Variants in CPO observed in about 807,000 individuals in gnomAD.
CPO encodes the protein metallocarboxypeptidase C.
In CPO, 43 loss-of-function variants were observed where a neutral mutation model predicts 41.2. The observed-to-expected ratio is 1.04, with a 90% CI of 0.82 to 1.35. The LOEUF is 1.35. Ranked by LOEUF, CPO falls within the 40% of genes most tolerant of loss-of-function variation. CPO has a pLI of 0.00. For synonymous variants in CPO, 178 were observed against 162.7 expected, an observed-to-expected ratio of 1.09 and a Z score of -0.72; for missense variants, 408 against 451.7, an observed-to-expected ratio of 0.90 and a Z score of 0.88.
chr2:206,947,286 A>G (rs996107183), intron 1 of CPO, among the ~76,000 whole-genome samples: 8 of 152,174 alleles, frequency 5.3e-5, no homozygotes, highest in African/African-American at 1.9e-4. Flanking sequence ...TAGTCAAAAG[A>G]TCTTTGACAA....
chr2:206,955,435 T>C (rs768285819), intron 2 of CPO, 28 bp from the exon 3 acceptor site: 3 of 1,307,104 alleles, frequency 2.3e-6, no homozygotes, highest in Middle Eastern at 1.8e-4. Flanking sequence ...TTCCTACTGA[T>C]AGCCACAGTC....
At chr2:206,954,983 T>A (rs558305296) in intron 2 of CPO, among the ~76,000 whole-genome samples, 1 of 152,248 alleles carries the variant, frequency 6.6e-6, no homozygotes, top group Non-Finnish European at 1.5e-5. Flanking sequence ...TCCCATGACA[T>A]GTGGGGATTA....
chr2:206,960,222 C>G (rs923299607), intron 5 of CPO, among the ~76,000 whole-genome samples: 1 of 152,178 alleles, frequency 6.6e-6, no homozygotes, highest in South Asian at 2.1e-4. Flanking sequence ...TTAAAATGTT[C>G]CTAAAGCCTA....
In CPO at chr2:206,952,837, A is replaced by G. The variant is rs533554583; in HGVS notation, c.166-2626A>G. Among the ~76,000 whole-genome samples the G allele has an allele frequency of 3.3e-5, 5 of 152,310 alleles. No homozygotes were observed. The South Asian group carries it at 1.0e-3, about 32-fold the overall frequency. ...TAAAGGAAAGAGGTTTAATGGACTC[A>G]TAGTTCCACATGGCTGGGGAGGCCT... On this transcript the variant is annotated intron_variant, in intron 2 of 8. Transcript: ENST00000272852.
intron 7 of CPO, among the ~76,000 whole-genome samples, chr2:206,964,918 G>A (rs1263211794): frequency 6.6e-6 from 1 of 152,134 alleles, no homozygotes; most frequent in Non-Finnish European, 1.5e-5. Context: ...ATTGGTTCAG[G>A]AAAACAGATG....
At chr2:206,946,749 A>G (rs1209233001) in intron 1 of CPO, among the ~76,000 whole-genome samples, 1 of 152,178 alleles carries the variant, frequency 6.6e-6, no homozygotes. Flanking sequence ...GGAATAAGCA[A>G]TTATAGCAAA....
Position 206,943,456 on chromosome 2 carries a change from A to G in CPO, c.68+3789A>G, listed in dbSNP as rs183362934. 2.4e-3 allele frequency among the ~76,000 whole-genome samples: 372 copies of G among 152,152 alleles called. 3 individuals are homozygous for G. The highest frequency in any genetic ancestry group is 8.9e-3 in the African/African-American group (368 of 41,524). The stretch of plus-strand genomic sequence containing the variant: ...AAAATGATTTTTCAGTGACTTTATA[A>G]TACTTATTTTTATTCTCTTTATAGT... On this transcript the variant is annotated intron_variant, in intron 1 of 8. Coordinates refer to ENST00000272852, the MANE Select transcript of CPO (RefSeq NM_173077.3).
intron 1 of CPO, among the ~76,000 whole-genome samples, chr2:206,947,573 C>T (rs1171771248): frequency 1.3e-5 from 2 of 152,092 alleles, no homozygotes; most frequent in African/African-American, 4.8e-5. Context: ...AAATTGGAAA[C>T]TTCTACTTTG....
At chr2:206,949,341 A>G (rs1023019776) in intron 1 of CPO, among the ~76,000 whole-genome samples, 4 of 152,206 alleles carry the variant, frequency 2.6e-5, no homozygotes, top group Admixed American at 1.3e-4. Flanking sequence ...ATTTTAAAGT[A>G]TTTTTATCTA....
intron 8 of CPO, 121 bp downstream of exon 8, chr2:206,968,468 C>T: frequency 1.5e-6 from 1 of 666,430 alleles, no homozygotes; most frequent in South Asian, 1.7e-5. Flanking sequence ...GGGAGTTGTA[C>T]AAATCAAAAT....
chr2:206,948,813 C>G (rs560025277), intron 1 of CPO, among the ~76,000 whole-genome samples: 17 of 152,220 alleles, frequency 1.1e-4, no homozygotes, highest in African/African-American at 2.4e-4. Flanking sequence ...ATATGTGTCA[C>G]CAAACATATG....
intron 3 of CPO, among the ~76,000 whole-genome samples, chr2:206,956,011 G>A (rs1420711695): frequency 1.3e-5 from 2 of 152,140 alleles, no homozygotes; most frequent in Non-Finnish European, 2.9e-5. Context: ...AGGGAACAAA[G>A]ATCCAGAGAA....
At chr2:206,958,465 T>C (rs970723681) in intron 4 of CPO, 60 bp downstream of exon 4, 15 of 903,066 alleles carry the variant, frequency 1.7e-5, no homozygotes, top group Non-Finnish European at 2.4e-5. Flanking sequence ...CTGTCACTTC[T>C]TGGCTGCTTA....
chr2:206,967,155 T>G (rs184053737), intron 7 of CPO, among the ~76,000 whole-genome samples: 1 of 152,016 alleles, frequency 6.6e-6, no homozygotes, highest in East Asian at 1.9e-4. Context: ...CACACATGTT[T>G]AGGCTGGGGA....
intron 7 of CPO, among the ~76,000 whole-genome samples, chr2:206,967,519 G>C (rs1693604534): frequency 6.6e-6 from 1 of 151,934 alleles, no homozygotes; most frequent in East Asian, 1.9e-4. Flanking sequence ...TGGAGAAGCT[G>C]GCATTTGAAA....
At chr2:206,962,359 C>A in intron 6 of CPO, 53 bp from the exon 7 acceptor site, 2 of 1,532,992 alleles carry the variant, frequency 1.3e-6, no homozygotes, top group South Asian at 2.2e-5. Flanking sequence ...TGCCATTGGT[C>A]ATTTCCAAAC....
intron 7 of CPO, among the ~76,000 whole-genome samples, chr2:206,966,779 G>T (rs1011265704): frequency 6.6e-6 from 1 of 152,146 alleles, no homozygotes; most frequent in Non-Finnish European, 1.5e-5. Flanking sequence ...TTTTTCCTTT[G>T]ATTTTAGTCA....
intron 3 of CPO, among the ~76,000 whole-genome samples, 156 bp from the exon 4 acceptor site, chr2:206,958,145 T>C (rs1363052427): frequency 6.6e-6 from 1 of 152,194 alleles, no homozygotes; most frequent in Non-Finnish European, 1.5e-5. Flanking sequence ...AAGAATCATG[T>C]TGATGGGTGT....
intron 3 of CPO, among the ~76,000 whole-genome samples, chr2:206,958,065 T>G (rs1215319742): frequency 1.3e-5 from 2 of 152,158 alleles, no homozygotes; most frequent in East Asian, 3.9e-4. Flanking sequence ...GTGGGTACTA[T>G]GGGGAGCCAG....
Sources: allele counts gnomAD v4.1 joint callset (sites outside exome capture counted in the v4.1 genomes callset), GRCh38; gene constraint gnomAD v4.1.1; transcripts MANE v1.5; gene names NCBI Gene and HGNC (gene_info 2026-07-23, HGNC 2026-07-21).